The following PTPRD variants were observed in gnomAD, a reference collection of about 807,000 sequenced individuals.
PTPRD encodes the protein receptor-type tyrosine-protein phosphatase delta.
PTPRD carries 34 observed loss-of-function variants against 214.5 expected under a neutral mutation model. That is an observed-to-expected ratio of 0.16 (90% CI 0.12 to 0.21). PTPRD has a LOEUF of 0.21. Ranked by LOEUF, PTPRD falls within the 10% of genes least tolerant of loss-of-function variation. The pLI is 1.00. For missense variants in PTPRD, 2,545 were observed against 2,398.7 expected (o/e 1.06, Z -1.27); for synonymous variants, 1,128 against 845.7 (o/e 1.33, Z -5.79).
intron 3 of PTPRD, among the ~76,000 whole-genome samples, chr9:10,138,231 A>T (rs989012391): frequency 1.3e-5 from 2 of 152,128 alleles, no homozygotes; most frequent in African/African-American, 2.4e-5. Flanking sequence ...ACAGAAATAC[A>T]AAAGATCCTC....
chr9:9,610,084 C>A (rs922776402), intron 7 of PTPRD, among the ~76,000 whole-genome samples: 58 of 152,104 alleles, frequency 3.8e-4, no homozygotes, highest in African/African-American at 1.3e-3. Flanking sequence ...TGGGGGACTA[C>A]TGACATAGAA....
intron 5 of PTPRD, among the ~76,000 whole-genome samples, chr9:9,835,255 T>C (rs546831166): frequency 6.6e-6 from 1 of 152,256 alleles, no homozygotes; most frequent in African/African-American, 2.4e-5. Flanking sequence ...TGAAGGCCAC[T>C]TGTGCCTCTG....
chr9:9,330,101 C>T lies in PTPRD; in HGVS notation c.-203+67348G>A, dbSNP rs569847049. On this transcript the variant is annotated intron_variant, in intron 9 of 45. Transcript: ENST00000381196. ...CCCTTTAGCCATGGTGTCATGTTAT[C>T]ACTGGCTATCTTTTGTCTCAAACTC... Among the ~76,000 whole-genome samples the T allele has an allele frequency of 3.3e-5, 5 of 152,192 alleles. No homozygotes were observed. In the East Asian group the frequency reaches 9.7e-4, roughly 29 times the overall value.
chr9:10,564,206 G>A (rs10959169), intron 2 of PTPRD, among the ~76,000 whole-genome samples: 26,777 of 60,384 alleles, frequency 0.44, 4,030 homozygotes, highest in Non-Finnish European at 0.51. Flanking sequence ...GAGACATAGG[G>A]GTTTCCCTGT....
At chr9:9,878,097 T>C (rs78307628) in intron 5 of PTPRD, among the ~76,000 whole-genome samples, 2,289 of 152,142 alleles carry the variant, frequency 0.015, 52 homozygotes, top group African/African-American at 0.053. Flanking sequence ...CCAACTGTGG[T>C]AGAGATTAAA....
chr9:9,232,321 C>G (rs2099963616), intron 9 of PTPRD, among the ~76,000 whole-genome samples: 1 of 152,142 alleles, frequency 6.6e-6, no homozygotes, highest in African/African-American at 2.4e-5. Flanking sequence ...CTATTGAGAA[C>G]TGGAATACTA....
At chr9:9,566,517 C>T (rs184414805) in intron 8 of PTPRD, among the ~76,000 whole-genome samples, 28 of 151,976 alleles carry the variant, frequency 1.8e-4, no homozygotes, top group African/African-American at 6.7e-4. Context: ...GTAATTCTTG[C>T]TGGAGAATCA....
chr9:8,568,841 A>C (rs1265248950), intron 14 of PTPRD, among the ~76,000 whole-genome samples: 1 of 152,076 alleles, frequency 6.6e-6, no homozygotes, highest in Non-Finnish European at 1.5e-5. Context: ...TGGTCTTCTA[A>C]GTTCTCGGTG....
intron 10 of PTPRD, among the ~76,000 whole-genome samples, chr9:9,109,717 T>A (rs1354264341): frequency 3.3e-5 from 5 of 152,144 alleles, no homozygotes; most frequent in Non-Finnish European, 5.9e-5. Flanking sequence ...TCTTCTTGGA[T>A]GATATCTTTC....
intron 11 of PTPRD, among the ~76,000 whole-genome samples, chr9:8,996,513 G>C (rs575710028): frequency 1.3e-5 from 2 of 152,034 alleles, no homozygotes; most frequent in Non-Finnish European, 2.9e-5. Flanking sequence ...GATCTGTGGG[G>C]TGCCTTACCC....
At chr9:10,271,228 C>T (rs2094400358) in intron 3 of PTPRD, among the ~76,000 whole-genome samples, 1 of 152,024 alleles carries the variant, frequency 6.6e-6, no homozygotes, top group South Asian at 2.1e-4. Flanking sequence ...ATTTTAAATT[C>T]CTTAAAATGT....
intron 5 of PTPRD, among the ~76,000 whole-genome samples, chr9:9,816,303 T>C (rs2048752469): frequency 6.6e-6 from 1 of 152,018 alleles, no homozygotes; most frequent in African/African-American, 2.4e-5. Context: ...AAACTACTTA[T>C]AATAAAGACC....
intron 35 of PTPRD, among the ~76,000 whole-genome samples, chr9:8,416,366 G>C (rs1589850412): frequency 6.6e-6 from 1 of 152,080 alleles, no homozygotes. Context: ...AGTTATCTCT[G>C]AGCTGTGATA....
chr9:8,767,563 G>T (rs1382008431), intron 11 of PTPRD, among the ~76,000 whole-genome samples: 1 of 152,098 alleles, frequency 6.6e-6, no homozygotes, highest in African/African-American at 2.4e-5. Context: ...ATCAGTGAGG[G>T]TGCACCATAC....
intron 5 of PTPRD, among the ~76,000 whole-genome samples, chr9:9,935,740 T>C (rs555407049): frequency 0.064 from 9,150 of 142,888 alleles, 1,040 homozygotes; most frequent in African/African-American, 0.26. Flanking sequence ...AAAGTTCATA[T>C]GGAACCAAAA....
chr9:8,946,191 C>G (rs2099063058), intron 11 of PTPRD, among the ~76,000 whole-genome samples: 1 of 152,136 alleles, frequency 6.6e-6, no homozygotes, highest in African/African-American at 2.4e-5. Context: ...ATAGCCATTC[C>G]TAAATTTTTA....
At chr9:9,776,012 T>C in intron 5 of PTPRD, among the ~76,000 whole-genome samples, 1 of 145,106 alleles carries the variant, frequency 6.9e-6, no homozygotes. Flanking sequence ...CCACTAAAGT[T>C]CTTAAAGAGC....
intron 8 of PTPRD, among the ~76,000 whole-genome samples, chr9:9,436,890 A>C (rs1171422159): frequency 2.2e-5 from 1 of 45,866 alleles, no homozygotes. Context: ...TTACTAAGGC[A>C]AAAAAAAAAA....
At chr9:9,739,873 C>G (rs2098372795) in intron 6 of PTPRD, among the ~76,000 whole-genome samples, 1 of 151,898 alleles carries the variant, frequency 6.6e-6, no homozygotes, top group African/African-American at 2.4e-5. Context: ...TACTGGCTTT[C>G]ATTTTCAAAC....
Sources: allele counts gnomAD v4.1 joint callset (sites outside exome capture counted in the v4.1 genomes callset), GRCh38; gene constraint gnomAD v4.1.1; transcripts MANE v1.5; gene names NCBI Gene and HGNC (gene_info 2026-07-23, HGNC 2026-07-21).